Variants in CLIC1 observed in about 807,000 individuals in gnomAD.
The protein encoded by CLIC1 is CLIC family member 1.
In CLIC1, 16 loss-of-function variants were observed where a neutral mutation model predicts 26.4. The ratio of observed to expected loss-of-function variants is 0.61; its 90% CI spans 0.41 to 0.92. CLIC1 has a LOEUF of 0.92. Ranked by LOEUF, CLIC1 falls within the 40% of genes least tolerant of loss-of-function variation. The pLI is 0.00. For synonymous variants in CLIC1, 98 were observed against 120.8 expected, an observed-to-expected ratio of 0.81 and a Z score of 1.24; for missense variants, 225 against 289.7, an observed-to-expected ratio of 0.78 and a Z score of 1.62.
chr6:31,730,673 C>T lies in CLIC1; in HGVS notation c.*169G>A. 1.6e-6 allele frequency: 1 copy of T among 643,446 alleles called. No homozygotes were observed. The highest frequency in any genetic ancestry group is 2.7e-6 in the Non-Finnish European group (1 of 369,968). The allele number at this position is 643,446 out of a possible 1,614,324, so 39.9% of individuals were successfully genotyped here. On this transcript the variant is annotated 3_prime_UTR_variant, in exon 6 of 6. Coordinates refer to ENST00000375784, the Ensembl canonical transcript of CLIC1. This position sits in a 1 kb window ranked among gnomAD's most constrained non-coding sequence, Gnocchi z 5.1. ...CCCACAATAAAAATCTGACCCAGGC[C>T]CCCCATTTCTTTCCCTCATCCCCTC...
In CLIC1 at chr6:31,732,409, G is replaced by C. The variant is rs779690748; in HGVS notation, c.383-11C>G. 3 of 1,459,450 alleles carry C rather than the reference G, an allele frequency of 2.1e-6. No homozygotes were observed. Among genetic ancestry groups the C allele is most frequent in the Admixed American group, 2.5e-5 (1 of 39,624 alleles). The allele number at this position is 1,459,450 out of a possible 1,614,324, so 90.4% of individuals were successfully genotyped here. ...GTCCCTTCTCCAGATCTGTGCAAGA[G>C]AGGGAACTGATTAGAACTTCAGGAA... On this transcript the variant is annotated splice_polypyrimidine_tract_variant and intron_variant, in intron 4 of 5. Transcript: ENST00000375784. The surrounding 1 kb of genome is among the most constrained non-coding windows in gnomAD (Gnocchi z 5.0).
upstream of CLIC1, chr6:31,736,574 G>A (rs1236141173): frequency 6.7e-6 from 9 of 1,338,140 alleles, no homozygotes; most frequent in East Asian, 5.7e-5. This position sits in a 1 kb window ranked among gnomAD's most constrained non-coding sequence, Gnocchi z 5.0. Flanking sequence ...CCTGGGGAGG[G>A]GACTGGAGGG....
At position 31,733,491 on chromosome 6, in the gene CLIC1, T is replaced by TGCC. The variant is rs1808117124; in HGVS notation, c.382+72_382+74dup. ...TCTCCCTGATATCTGAACGTCCAGG[T>TGCC]GCCCCTAATGTCTCCTACCCGCTGG... On this transcript the variant is annotated intron_variant, in intron 4 of 5. Transcript: ENST00000375784. This position sits in a 1 kb window ranked among gnomAD's most constrained non-coding sequence, Gnocchi z 5.4. 1 of 984,402 alleles carries TGCC rather than the reference T, an allele frequency of 1.0e-6. No homozygotes were observed. Among genetic ancestry groups the TGCC allele is most frequent in the African/African-American group, 1.6e-5 (1 of 62,634 alleles). 61.0% of individuals were successfully genotyped at this position (984,402 alleles called of 1,614,324 possible). A position where few individuals can be genotyped will look rare whatever the true frequency, so the allele number is the denominator to read the frequency against.
At position 31,733,994 on chromosome 6, in the gene CLIC1, TG is replaced by T. The variant is rs761115211; in HGVS notation, c.150-34del. On this transcript the variant is annotated intron_variant, in intron 2 of 5. Coordinates refer to ENST00000375784, the Ensembl canonical transcript of CLIC1. The surrounding 1 kb of genome is among the most constrained non-coding windows in gnomAD (Gnocchi z 5.4). ...AAGGATCAGGAATCAGGACTGGAAA[TG>T]GGGGTCAGGAAGAACCAGAAAGGGG... 8 of 1,605,490 alleles carry T rather than the reference TG, an allele frequency of 5.0e-6. No individual in the cohort carries two copies. The highest frequency in any genetic ancestry group is 6.0e-6 in the Non-Finnish European group (7 of 1,174,898).
upstream of CLIC1, chr6:31,736,657 G>A: frequency 8.9e-7 from 1 of 1,127,846 alleles, no homozygotes; most frequent in Non-Finnish European, 1.1e-6. The surrounding 1 kb of genome is among the most constrained non-coding windows in gnomAD (Gnocchi z 5.0). Context: ...TGGGGATGGG[G>A]GTGTTAAGGA....
In CLIC1 at chr6:31,736,307, G is replaced by A. The variant is rs573097614; in HGVS notation, c.-7C>T. On this transcript the variant is annotated 5_prime_UTR_variant, in exon 1 of 6. In the 5' UTR this introduces an upstream ATG that the reference lacks. Transcript: ENST00000375784. This position sits in a 1 kb window ranked among gnomAD's most constrained non-coding sequence, Gnocchi z 5.0. ...GCGGTTGTTCTTCAGCCATGGTTGCGTCGGGGACCAGGAAGTGGCCGTCCC... is the reference window on the plus strand; with the variant it reads ...GCGGTTGTTCTTCAGCCATGGTTGCATCGGGGACCAGGAAGTGGCCGTCCC... The A allele has an allele frequency of 9.3e-6, 15 of 1,612,910 alleles. No individual in the cohort carries two copies. The Admixed American group carries it at 1.2e-4, about 13-fold the overall frequency.
chr6:31,736,267 C>T lies in CLIC1; in HGVS notation c.34G>A (p.Val12Met), dbSNP rs748522729. 8 of 1,612,716 alleles carry T rather than the reference C, an allele frequency of 5.0e-6. No homozygotes were observed. Among genetic ancestry groups the T allele is most frequent in the East Asian group, 4.5e-5 (2 of 44,830 alleles). ...GAGGAGAGAAGTGTTCTTACCTTCACGAACAATTCGACCTGCGGTTGTTCT... is the reference window on the plus strand; with the variant it reads ...GAGGAGAGAAGTGTTCTTACCTTCATGAACAATTCGACCTGCGGTTGTTCT... Residue 12 changes from valine (V) to methionine (M), a missense_variant, in exon 1 of 6, where the codon GTG becomes ATG. Physicochemically the swap from Val to Met is conservative, Grantham distance 21 (BLOSUM62 1). Coordinates refer to ENST00000375784, the Ensembl canonical transcript of CLIC1. The surrounding 1 kb of genome is among the most constrained non-coding windows in gnomAD (Gnocchi z 5.0).
At position 31,730,595 on chromosome 6, in the gene CLIC1, T is replaced by A; in HGVS notation, c.*247A>T. On this transcript the variant is annotated 3_prime_UTR_variant, in exon 6 of 6. Coordinates refer to ENST00000375784, the Ensembl canonical transcript of CLIC1. The surrounding 1 kb of genome is among the most constrained non-coding windows in gnomAD (Gnocchi z 5.1). ...TTAAATCCCCATTGCGTAAAAACACTTGATTTTTATTCTGTATTTTATTAC... is the reference window on the plus strand; with the variant it reads ...TTAAATCCCCATTGCGTAAAAACACATGATTTTTATTCTGTATTTTATTAC... The A allele has an allele frequency of 7.9e-6, 4 of 509,412 alleles. No individual in the cohort carries two copies. The highest frequency in any genetic ancestry group is 1.0e-5 in the Non-Finnish European group (3 of 286,320). The allele number at this position is 509,412 out of a possible 1,614,324, so 31.6% of individuals were successfully genotyped here.
Position 31,730,801 on chromosome 6 carries a change from GT to G in CLIC1, c.*40del, listed in dbSNP as rs1807859068. ...CAATGTGGAAACCACCAGGGCCTTT[GT>G]GGAGAAAATGGAGGGGGTTGAGGGA... On this transcript the variant is annotated 3_prime_UTR_variant, in exon 6 of 6. Transcript: ENST00000375784. This position sits in a 1 kb window ranked among gnomAD's most constrained non-coding sequence, Gnocchi z 5.1. The G allele has an allele frequency of 6.2e-7, 1 of 1,608,728 alleles. No homozygotes were observed.
At chr6:31,731,039 G>C (rs1372357841) in intron 5 of CLIC1, 36 bp from the exon 6 acceptor site, 10 of 1,599,642 alleles carry the variant, frequency 6.3e-6, no homozygotes, top group Admixed American at 1.7e-5. Flanking sequence ...CAACATGTTA[G>C]ACCCAGGGAA....
Position 31,736,335 on chromosome 6 carries a change from G to A in CLIC1, c.-35C>T. The A allele has an allele frequency of 6.2e-7, 1 of 1,612,606 alleles. No homozygotes were observed. The highest frequency in any genetic ancestry group is 8.5e-7 in the Non-Finnish European group (1 of 1,179,972). On this transcript the variant is annotated 5_prime_UTR_variant, in exon 1 of 6. Transcript: ENST00000375784. This position sits in a 1 kb window ranked among gnomAD's most constrained non-coding sequence, Gnocchi z 5.0. ...GGGGACCAGGAAGTGGCCGTCCCTG[G>A]GGGAACTGGGAGGGGCTGGGACCGG...
intron 5 of CLIC1, 152 bp from the exon 6 acceptor site, chr6:31,731,155 G>C: frequency 1.7e-6 from 1 of 584,792 alleles, no homozygotes; most frequent in Non-Finnish European, 2.9e-6. Flanking sequence ...TGAAATCCTG[G>C]CTTTTAATAA....
At chr6:31,731,445 G>A (rs1807938226) in intron 5 of CLIC1, among the ~76,000 whole-genome samples, 1 of 152,070 alleles carries the variant, frequency 6.6e-6, no homozygotes, top group Non-Finnish European at 1.5e-5. Context: ...GTGATTACAG[G>A]TGCCCACCAC....
At chr6:31,736,835 C>A, upstream of CLIC1, 1 of 987,160 alleles carries the variant, frequency 1.0e-6, no homozygotes, top group Non-Finnish European at 1.2e-6. This position sits in a 1 kb window ranked among gnomAD's most constrained non-coding sequence, Gnocchi z 5.0. Context: ...ATGGGGACTT[C>A]AAATGGAAAG....
In CLIC1 at chr6:31,732,532, T is replaced by A. The variant is rs1199786141; in HGVS notation, c.383-134A>T. 2 of 532,828 alleles carry A rather than the reference T, an allele frequency of 3.8e-6. No individual in the cohort carries two copies. Among genetic ancestry groups the A allele is most frequent in the Non-Finnish European group, 6.1e-6 (2 of 328,174 alleles). The allele number at this position is 532,828 out of a possible 1,614,324, so 33.0% of individuals were successfully genotyped here. On this transcript the variant is annotated intron_variant, in intron 4 of 5. Coordinates refer to ENST00000375784, the Ensembl canonical transcript of CLIC1. The surrounding 1 kb of genome is among the most constrained non-coding windows in gnomAD (Gnocchi z 5.0). ...ACTCATGTAGTTACTTTTCTATGTG[T>A]TATTCTAAGCACTTTACATTTTATT...
At position 31,736,520 on chromosome 6, in the gene CLIC1, C is replaced by A; in HGVS notation, c.-220G>T. On this transcript the variant is annotated 5_prime_UTR_variant, in exon 1 of 6. Transcript: ENST00000375784. The surrounding 1 kb of genome is among the most constrained non-coding windows in gnomAD (Gnocchi z 5.0). Reference sequence around the variant, plus strand: ...TCCTCCAGCTCGGTCCTCTCCCGGGCTGGATCAGAGAGCCGCTGACTCACC... The same window carrying A: ...TCCTCCAGCTCGGTCCTCTCCCGGGATGGATCAGAGAGCCGCTGACTCACC... The A allele has an allele frequency of 7.2e-7, 1 of 1,380,686 alleles. No individual in the cohort carries two copies. Among genetic ancestry groups the A allele is most frequent in the Non-Finnish European group, 9.4e-7 (1 of 1,066,632 alleles). The allele number at this position is 1,380,686 out of a possible 1,614,324, so 85.5% of individuals were successfully genotyped here.
At position 31,733,806 on chromosome 6, in the gene CLIC1, C is replaced by T. The variant is rs759980494; in HGVS notation, c.275+30G>A. ...TCTGTTTCCCAGAATCTCCCTGCTC[C>T]ACCTCTCCACTTTCTGAGTGCCCCT... is the stretch of plus-strand genomic sequence containing the variant. On this transcript the variant is annotated intron_variant, in intron 3 of 5. Coordinates refer to ENST00000375784, the Ensembl canonical transcript of CLIC1. This position sits in a 1 kb window ranked among gnomAD's most constrained non-coding sequence, Gnocchi z 5.4. 1.2e-6 allele frequency: 2 copies of T among 1,612,350 alleles called. No homozygotes were observed. The highest frequency in any genetic ancestry group is 1.7e-6 in the Non-Finnish European group (2 of 1,178,456).
chr6:31,733,447 T>C lies in CLIC1; in HGVS notation c.382+119A>G, dbSNP rs1808113783. On this transcript the variant is annotated intron_variant, in intron 4 of 5. Transcript: ENST00000375784. The surrounding 1 kb of genome is among the most constrained non-coding windows in gnomAD (Gnocchi z 5.4). The stretch of plus-strand genomic sequence containing the variant: ...AGCAAAAATGGGAAGCTGGGGGAAA[T>C]TTACGAACATCTGCTTCATCTCCCT... 1 of 709,814 alleles carries C rather than the reference T, an allele frequency of 1.4e-6. No individual in the cohort carries two copies. Among genetic ancestry groups the C allele is most frequent in the Non-Finnish European group, 2.4e-6 (1 of 410,246 alleles). The allele number at this position is 709,814 out of a possible 1,614,324, so 44.0% of individuals were successfully genotyped here.
chr6:31,734,408 G>C lies in CLIC1; in HGVS notation c.40-145C>G. The C allele has an allele frequency of 6.0e-6, 4 of 671,406 alleles. No homozygotes were observed. In the East Asian group the frequency reaches 1.1e-4, roughly 18 times the overall value. The allele number at this position is 671,406 out of a possible 1,614,324, so 41.6% of individuals were successfully genotyped here. On this transcript the variant is annotated intron_variant, in intron 1 of 5. Coordinates refer to ENST00000375784, the Ensembl canonical transcript of CLIC1. This position sits in a 1 kb window ranked among gnomAD's most constrained non-coding sequence, Gnocchi z 5.3. ...CCCTCACTATGGGCTCTTTGCCCTT[G>C]GGCCTGGGTCAAACCTAAGGCAGAT...
Sources: allele counts gnomAD v4.1 joint callset (sites outside exome capture counted in the v4.1 genomes callset), GRCh38; gene constraint gnomAD v4.1.1; non-coding constraint Gnocchi (gnomAD v3.1); transcripts MANE v1.5; gene names NCBI Gene and HGNC (gene_info 2026-07-23, HGNC 2026-07-21).